The following WDPCP variants were observed in gnomAD, a reference collection of about 807,000 sequenced individuals.
The protein encoded by WDPCP is WD repeat-containing and planar cell polarity effector protein fritz homolog.
WDPCP carries 71 observed loss-of-function variants against 93.1 expected under a neutral mutation model. That is an observed-to-expected ratio of 0.76 (90% CI 0.63 to 0.93). The LOEUF (loss-of-function observed/expected upper bound fraction) is 0.93. Among genes scored for constraint, WDPCP ranks in the 40% least tolerant of loss-of-function variants. The pLI is 0.00. For missense variants in WDPCP, 844 were observed against 887.4 expected (o/e 0.95, Z 0.62); for synonymous variants, 315 against 315.0 (o/e 1.00, Z 0.00).
At chr2:63,207,943 C>G (rs1676466812) in intron 14 of WDPCP, among the ~76,000 whole-genome samples, 2 of 151,868 alleles carry the variant, frequency 1.3e-5, no homozygotes, top group South Asian at 4.2e-4. Flanking sequence ...TAAGTGTTTC[C>G]TCTTTTAAAT....
intron 12 of WDPCP, among the ~76,000 whole-genome samples, chr2:63,329,077 TTTTTAA>T (rs1209774754): frequency 6.6e-6 from 1 of 152,180 alleles, no homozygotes; most frequent in African/African-American, 2.4e-5. Flanking sequence ...TATTAGCAAA[TTTTTAA>T]GTATGTAGTA....
At chr2:63,508,883 C>G (rs1702050411) in intron 1 of WDPCP, among the ~76,000 whole-genome samples, 1 of 152,204 alleles carries the variant, frequency 6.6e-6, no homozygotes, top group Admixed American at 6.5e-5. Flanking sequence ...GAAGAGCTAA[C>G]TATCCTAAAT....
At chr2:63,398,484 A>C (rs1016191550) in intron 10 of WDPCP, among the ~76,000 whole-genome samples, 1 of 152,176 alleles carries the variant, frequency 6.6e-6, no homozygotes, top group African/African-American at 2.4e-5. Flanking sequence ...TTCTAATGAC[A>C]AGAATGATGG....
At position 63,769,933 on chromosome 2, in the gene WDPCP, G is replaced by A. The variant is rs1048192457; in HGVS notation, n.308+43689C>T. 3.3e-5 allele frequency among the ~76,000 whole-genome samples: 5 copies of A among 151,748 alleles called. No homozygotes were observed. The South Asian group carries it at 1.0e-3, about 32-fold the overall frequency. On this transcript the variant is annotated intron_variant and non_coding_transcript_variant, in intron 2 of 4. Transcript: ENST00000467687. ...TCACTATTTCCTTCAGTCATTCCTT[G>A]TGTTATTCAACACGGCTCATTCCTT...
intron 9 of WDPCP, among the ~76,000 whole-genome samples, chr2:63,431,296 A>C (rs943261993): frequency 6.6e-6 from 1 of 152,150 alleles, no homozygotes; most frequent in African/African-American, 2.4e-5. Context: ...GGCCTCTTTT[A>C]AAAGCTCTGT....
At chr2:63,365,907 A>C (rs1424265736) in intron 12 of WDPCP, among the ~76,000 whole-genome samples, 1 of 152,214 alleles carries the variant, frequency 6.6e-6, no homozygotes, top group Non-Finnish European at 1.5e-5. Context: ...TTTGTGTGTC[A>C]TTCTTCATGA....
intron 1 of WDPCP, among the ~76,000 whole-genome samples, chr2:63,574,241 G>A (rs753463353): frequency 3.3e-5 from 5 of 152,092 alleles, no homozygotes; most frequent in African/African-American, 7.2e-5. Context: ...GGGGCATCAC[G>A]GAAGCTGCCG....
rs371407729 is a variant in WDPCP at position 63,587,392 on chromosome 2, A to G, written c.75+805T>C. 4.7e-4 allele frequency among the ~76,000 whole-genome samples: 72 copies of G among 152,354 alleles called. 1 individual carries two copies. Among genetic ancestry groups the G allele is most frequent in the South Asian group, 1.9e-3 (9 of 4,830 alleles). On this transcript the variant is annotated intron_variant, in intron 1 of 17. Coordinates refer to ENST00000272321, the MANE Select transcript of WDPCP (RefSeq NM_015910.7). ...TTGTCTGAGAGCCAAATGAATAAAG[A>G]GATACAAGGAGAGTCATTCAGGTAT...
At chr2:63,721,771 G>T (rs964818044) in intron 2 of WDPCP, among the ~76,000 whole-genome samples, 2 of 125,550 alleles carry the variant, frequency 1.6e-5, no homozygotes, top group Non-Finnish European at 3.2e-5. Flanking sequence ...CTCTTTCCAC[G>T]GTCTCCCTCT....
intron 1 of WDPCP, among the ~76,000 whole-genome samples, chr2:63,504,454 A>G (rs772580035): frequency 6.6e-6 from 1 of 151,828 alleles, no homozygotes; most frequent in Non-Finnish European, 1.5e-5. Flanking sequence ...CCTCTCCCAT[A>G]AATCAACTCT....
At chr2:63,455,191 CAA>C (rs1265585965) in intron 6 of WDPCP, among the ~76,000 whole-genome samples, 7 of 151,746 alleles carry the variant, frequency 4.6e-5, no homozygotes, top group Non-Finnish European at 1.0e-4. Flanking sequence ...CAGCAATCCA[CAA>C]AGACAGTCAG....
chr2:63,632,646 A>G (rs1381190293), intron 3 of WDPCP, among the ~76,000 whole-genome samples: 2 of 152,184 alleles, frequency 1.3e-5, no homozygotes, highest in East Asian at 3.9e-4. Flanking sequence ...AAACTCAAAG[A>G]CAGGTCATTT....
intron 12 of WDPCP, among the ~76,000 whole-genome samples, chr2:63,362,137 C>T (rs1205761085): frequency 6.6e-6 from 1 of 151,998 alleles, no homozygotes; most frequent in Non-Finnish European, 1.5e-5. Flanking sequence ...ACTATAATTT[C>T]CTTACTGTAC....
At chr2:63,237,975 A>C (rs1322281075) in intron 14 of WDPCP, among the ~76,000 whole-genome samples, 2 of 151,706 alleles carry the variant, frequency 1.3e-5, no homozygotes, top group African/African-American at 4.8e-5. Flanking sequence ...CCCTAGTCTC[A>C]AATGAAAATT....
At chr2:63,362,326 G>A (rs1417912011) in intron 12 of WDPCP, among the ~76,000 whole-genome samples, 2 of 139,672 alleles carry the variant, frequency 1.4e-5, no homozygotes, top group Non-Finnish European at 3.0e-5. Context: ...GTGAGGGGAG[G>A]GGAAGAGAGA....
chr2:63,139,083 G>GTA (rs1282801037), intron 17 of WDPCP, among the ~76,000 whole-genome samples: 6 of 151,876 alleles, frequency 4.0e-5, no homozygotes, highest in East Asian at 3.9e-4. Context: ...GTATGTGTGT[G>GTA]TATATATATA....
In WDPCP at chr2:63,276,782, C is replaced by G. The variant is rs182844107; in HGVS notation, c.1813-17373G>C. Among the ~76,000 whole-genome samples, 9 of 152,288 alleles carry G rather than the reference C, an allele frequency of 5.9e-5. No individual in the cohort carries two copies. In the East Asian group the frequency reaches 1.5e-3, roughly 26 times the overall value. On this transcript the variant is annotated intron_variant, in intron 13 of 17. Transcript: ENST00000272321. ...GGTGTACCCAAGGAAGAAGAGAAAT[C>G]TAAAAGTCTGGAAAACATATTTGAG...
intron 14 of WDPCP, among the ~76,000 whole-genome samples, chr2:63,199,377 A>G (rs942267578): frequency 1.3e-5 from 2 of 152,168 alleles, no homozygotes; most frequent in African/African-American, 2.4e-5. Context: ...TCCTATCACA[A>G]GCCTGGAGGC....
At chr2:63,267,563 A>G (rs747506578) in intron 13 of WDPCP, among the ~76,000 whole-genome samples, 1 of 152,204 alleles carries the variant, frequency 6.6e-6, no homozygotes, top group Non-Finnish European at 1.5e-5. Flanking sequence ...GTATTGGGAG[A>G]AAATATTTAC....
Sources: allele counts gnomAD v4.1 joint callset (sites outside exome capture counted in the v4.1 genomes callset), GRCh38; gene constraint gnomAD v4.1.1; transcripts MANE v1.5; gene names NCBI Gene and HGNC (gene_info 2026-07-23, HGNC 2026-07-21).